Variants in VDAC1 observed in about 807,000 individuals in gnomAD.
VDAC1 encodes the protein non-selective voltage-gated ion channel VDAC1.
A neutral mutation model predicts 34.7 loss-of-function variants in VDAC1; 10 were observed. The observed-to-expected ratio is 0.29, with a 90% CI of 0.18 to 0.49. The LOEUF (loss-of-function observed/expected upper bound fraction) is 0.49. Ranked by LOEUF, VDAC1 falls within the 20% of genes least tolerant of loss-of-function variation. VDAC1 has a pLI of 0.99. For synonymous variants in VDAC1, 130 were observed against 136.0 expected (o/e 0.96, Z 0.30); for missense variants, 230 against 347.9 (o/e 0.66, Z 2.69).
chr5:134,068,974 GT>G, the VDAC1 span, among the ~76,000 whole-genome samples: 1 of 145,050 alleles, frequency 6.9e-6, no homozygotes, highest in Non-Finnish European at 1.5e-5. Context: ...GACTGTGTGT[GT>G]GTGTGTGTGT....
the VDAC1 span, among the ~76,000 whole-genome samples, chr5:134,027,532 G>T: frequency 1.3e-5 from 2 of 152,288 alleles, no homozygotes; most frequent in South Asian, 4.1e-4. Context: ...AAGGGACTGA[G>T]ACACAGAATA....
At chr5:134,052,838 C>T in the VDAC1 span, among the ~76,000 whole-genome samples, 3 of 150,490 alleles carry the variant, frequency 2.0e-5, no homozygotes, top group East Asian at 2.1e-4. Context: ...AAGCCCTGGC[C>T]GGGTGCGGTG....
chr5:134,050,152 G>A, the VDAC1 span, among the ~76,000 whole-genome samples: 2 of 152,106 alleles, frequency 1.3e-5, no homozygotes, highest in African/African-American at 4.8e-5. Context: ...GGGAGGCTGA[G>A]GCAGGAGAAT....
chr5:134,015,343 C>T, the VDAC1 span, among the ~76,000 whole-genome samples: 1 of 152,132 alleles, frequency 6.6e-6, no homozygotes, highest in Non-Finnish European at 1.5e-5. Flanking sequence ...AACAAATCTG[C>T]ACACGTAACC....
chr5:134,010,400 C>A, the VDAC1 span, among the ~76,000 whole-genome samples: 1 of 152,070 alleles, frequency 6.6e-6, no homozygotes, highest in Non-Finnish European at 1.5e-5. Flanking sequence ...GAGTTTGAGA[C>A]CAGCCTGGTC....
At chr5:134,061,879 C>A in the VDAC1 span, among the ~76,000 whole-genome samples, 1 of 151,900 alleles carries the variant, frequency 6.6e-6, no homozygotes, top group Non-Finnish European at 1.5e-5. Flanking sequence ...ATTTTGCCAT[C>A]AAGGATATTG....
the VDAC1 span, among the ~76,000 whole-genome samples, chr5:134,101,974 G>A: frequency 1.3e-5 from 2 of 152,244 alleles, no homozygotes; most frequent in Non-Finnish European, 2.9e-5. Flanking sequence ...CGGAGTCCAG[G>A]CGAGAACGCT....
the VDAC1 span, among the ~76,000 whole-genome samples, chr5:134,106,281 G>A: frequency 6.6e-6 from 1 of 152,170 alleles, no homozygotes; most frequent in African/African-American, 2.4e-5. Context: ...CATAATACTA[G>A]GCATGGGTGA....
At chr5:134,039,953 T>A in the VDAC1 span, among the ~76,000 whole-genome samples, 18 of 152,164 alleles carry the variant, frequency 1.2e-4, no homozygotes, top group Non-Finnish European at 1.8e-4. Flanking sequence ...CAAGCACCTA[T>A]GAGCTGTCAA....
chr5:134,081,537 T>G, the VDAC1 span, among the ~76,000 whole-genome samples: 1 of 152,260 alleles, frequency 6.6e-6, no homozygotes, highest in African/African-American at 2.4e-5. Context: ...TGCTAAAAAC[T>G]GTGAAATAAA....
chr5:134,093,979 G>A, the VDAC1 span, among the ~76,000 whole-genome samples: 4 of 152,210 alleles, frequency 2.6e-5, no homozygotes, highest in East Asian at 7.7e-4. Context: ...TCATCTGAGA[G>A]TAATTGTTAC....
the VDAC1 span, among the ~76,000 whole-genome samples, chr5:134,086,792 T>A: frequency 6.6e-6 from 1 of 152,168 alleles, no homozygotes; most frequent in Admixed American, 6.5e-5. Flanking sequence ...ACTCAGCACA[T>A]TCCCATCCCA....
chr5:134,025,787 G>T, the VDAC1 span, among the ~76,000 whole-genome samples: 1 of 151,866 alleles, frequency 6.6e-6, no homozygotes, highest in Non-Finnish European at 1.5e-5. Flanking sequence ...ATAGAAATAG[G>T]GTCTCACTAT....
At chr5:134,007,840 G>A (rs1262265391), upstream of VDAC1, among the ~76,000 whole-genome samples, 2 of 152,160 alleles carry the variant, frequency 1.3e-5, no homozygotes, top group African/African-American at 4.8e-5. Flanking sequence ...CTTGCCATGC[G>A]TGGGTTTCCC....
At chr5:133,992,246 T>TAAATA in intron 3 of VDAC1, 60 bp downstream of exon 3, 1 of 1,231,806 alleles carries the variant, frequency 8.1e-7, no homozygotes, top group Non-Finnish European at 1.1e-6. Flanking sequence ...CAAAAATAAA[T>TAAATA]AAATAAAATA....
the VDAC1 span, among the ~76,000 whole-genome samples, chr5:134,029,016 C>T: frequency 6.6e-6 from 1 of 152,104 alleles, no homozygotes; most frequent in Non-Finnish European, 1.5e-5. Context: ...TGGAACTGAG[C>T]CCTCCTAGCA....
At chr5:134,109,400 T>C in the VDAC1 span, among the ~76,000 whole-genome samples, 1 of 152,240 alleles carries the variant, frequency 6.6e-6, no homozygotes, top group South Asian at 2.1e-4. Context: ...TGCTCCACCT[T>C]CTGCTGCATT....
chr5:134,058,974 C>T, the VDAC1 span, among the ~76,000 whole-genome samples: 5 of 152,228 alleles, frequency 3.3e-5, no homozygotes, highest in South Asian at 8.3e-4. Flanking sequence ...CTCATGCCCG[C>T]GTGCCAATGC....
chr5:134,011,583 T>C, the VDAC1 span, among the ~76,000 whole-genome samples: 23 of 151,976 alleles, frequency 1.5e-4, no homozygotes, highest in African/African-American at 3.6e-4. Context: ...CATGGGGGGA[T>C]TGTCCTAGAT....
Sources: gnomAD v4.1 joint callset for allele counts (sites outside exome capture counted in the v4.1 genomes callset) on GRCh38, gnomAD v4.1.1 for gene constraint, MANE v1.5 for transcripts, NCBI Gene and HGNC (gene_info 2026-07-23, HGNC 2026-07-21) for gene names.